Variants in RCL1 observed in about 807,000 individuals in gnomAD.
RCL1 encodes RNA terminal phosphate cyclase like 1.
Under a neutral mutation model 42.4 loss-of-function variants are expected in RCL1, and 24 were observed. The observed-to-expected ratio is 0.57, with a 90% CI of 0.41 to 0.80. The LOEUF (loss-of-function observed/expected upper bound fraction) is 0.80. RCL1 is among the 30% of genes least tolerant of loss of function. The pLI, the probability that RCL1 is intolerant of heterozygous loss-of-function variation, is 0.00. For synonymous variants in RCL1, 228 were observed against 177.3 expected (o/e 1.29, Z -2.27); for missense variants, 578 against 467.9 (o/e 1.24, Z -2.17).
At chr9:4,836,656 G>A (rs10815091) in intron 5 of RCL1, 8,189 of 152,052 alleles carry the variant, frequency 0.054, 717 homozygotes, top group African/African-American at 0.18. Context: ...GCGGGGGTGG[G>A]TGCTTAAGGT....
intron 1 of RCL1, among the ~76,000 whole-genome samples, chr9:4,820,448 G>GAA (rs1816554887): frequency 6.6e-6 from 1 of 152,198 alleles, no homozygotes; most frequent in Non-Finnish European, 1.5e-5. Context: ...GATCAGGGAT[G>GAA]GTCCTGCCTG....
intron 1 of RCL1, among the ~76,000 whole-genome samples, chr9:4,818,354 A>G (rs1279134022): frequency 1.3e-5 from 2 of 152,124 alleles, no homozygotes; most frequent in African/African-American, 4.8e-5. Flanking sequence ...ATAATTTAGG[A>G]AAGATATTTG....
At chr9:4,832,835 G>C (rs1398552311) in intron 3 of RCL1, among the ~76,000 whole-genome samples, 1 of 150,290 alleles carries the variant, frequency 6.7e-6, no homozygotes, top group East Asian at 1.9e-4. Flanking sequence ...AAAAAAGTAG[G>C]GTTCTCCATT....
At chr9:4,813,040 C>T (rs1013081271) in intron 1 of RCL1, among the ~76,000 whole-genome samples, 6 of 152,094 alleles carry the variant, frequency 3.9e-5, no homozygotes, top group African/African-American at 1.4e-4. Context: ...TCCTCCTTCC[C>T]GATTTGGATG....
chr9:4,842,032 A>ATAG (rs1281989586), intron 6 of RCL1, among the ~76,000 whole-genome samples: 5 of 152,238 alleles, frequency 3.3e-5, no homozygotes, highest in African/African-American at 4.8e-5. Flanking sequence ...AGATCAAAGA[A>ATAG]TAGTACAGTG....
intron 2 of RCL1, among the ~76,000 whole-genome samples, chr9:4,824,390 T>TG (rs1330926098): frequency 2.0e-5 from 3 of 151,342 alleles, no homozygotes; most frequent in Non-Finnish European, 4.4e-5. Context: ...TTTTTTTTTT[T>TG]TTTTTGCTAG....
chr9:4,810,365 A>G (rs566210215), intron 1 of RCL1, among the ~76,000 whole-genome samples: 1 of 152,284 alleles, frequency 6.6e-6, no homozygotes, highest in African/African-American at 2.4e-5. Flanking sequence ...CAAGGTAAGC[A>G]TTAAATTTTT....
At chr9:4,836,462 A>G (rs1817135017) in intron 5 of RCL1, among the ~76,000 whole-genome samples, 1 of 152,160 alleles carries the variant, frequency 6.6e-6, no homozygotes, top group African/African-American at 2.4e-5. Context: ...ACTGTGTAGG[A>G]CAAGAGATTG....
chr9:4,848,527 G>A (rs997310024), intron 7 of RCL1, among the ~76,000 whole-genome samples: 6 of 152,214 alleles, frequency 3.9e-5, no homozygotes, highest in Non-Finnish European at 5.9e-5. Context: ...GGATAGTAAC[G>A]TGCCTTGGTC....
intron 8 of RCL1, 92 bp from the exon 9 acceptor site, chr9:4,860,033 G>C: frequency 1.2e-6 from 1 of 850,010 alleles, no homozygotes; most frequent in South Asian, 2.2e-5. Flanking sequence ...TCTAGGTCTG[G>C]GAGATTAAAA....
chr9:4,838,933 G>C (rs1817225526), intron 5 of RCL1, among the ~76,000 whole-genome samples: 1 of 152,216 alleles, frequency 6.6e-6, no homozygotes, highest in Non-Finnish European at 1.5e-5. Context: ...GGCATTAAGA[G>C]CTTTACATGC....
At position 4,834,270 on chromosome 9, in the gene RCL1, C is replaced by A; in HGVS notation, c.584+5C>A. ...CAAACGTATTAGAGGAATGGCGTAT[C>A]CTTTCCATTTATTTGGATTTCTTTT... is the stretch of plus-strand genomic sequence containing the variant. On this transcript the variant is annotated splice_donor_5th_base_variant and intron_variant, in intron 5 of 8. Transcript: ENST00000381750. 1 of 1,606,254 alleles carries A rather than the reference C, an allele frequency of 6.2e-7. No homozygotes were observed. The highest frequency in any genetic ancestry group is 8.5e-7 in the Non-Finnish European group (1 of 1,176,412).
chr9:4,850,961 T>A (rs1224174507), intron 8 of RCL1, among the ~76,000 whole-genome samples: 1 of 152,146 alleles, frequency 6.6e-6, no homozygotes, highest in African/African-American at 2.4e-5. Context: ...TGTGTGGTCC[T>A]GGGGCATGGG....
intron 5 of RCL1, chr9:4,839,382 C>T (rs1412612214): frequency 1.3e-5 from 2 of 152,146 alleles, no homozygotes; most frequent in African/African-American, 4.8e-5. Flanking sequence ...TCCTAGAACT[C>T]GGAGCCATGG....
chr9:4,836,262 A>C (rs1411741078), intron 5 of RCL1, among the ~76,000 whole-genome samples: 1 of 152,120 alleles, frequency 6.6e-6, no homozygotes, highest in Admixed American at 6.5e-5. Context: ...ATTTCATCCA[A>C]GGTTGGATGC....
chr9:4,830,978 A>G (rs1163322383), intron 3 of RCL1, among the ~76,000 whole-genome samples: 1 of 152,134 alleles, frequency 6.6e-6, no homozygotes, highest in African/African-American at 2.4e-5. Context: ...CTCTGCTAAA[A>G]CTAGAATGTG....
chr9:4,841,170 A>T, intron 5 of RCL1, 62 bp from the exon 6 acceptor site: 1 of 1,601,590 alleles, frequency 6.2e-7, no homozygotes, highest in Non-Finnish European at 8.5e-7. Context: ...TGCCAGCTTT[A>T]TAACTGATTT....
chr9:4,852,044 G>C (rs1817771479), intron 8 of RCL1, among the ~76,000 whole-genome samples: 1 of 152,008 alleles, frequency 6.6e-6, no homozygotes, highest in Non-Finnish European at 1.5e-5. Flanking sequence ...ACCGTGCCTG[G>C]CTAATTTTTT....
At chr9:4,832,598 A>C (rs1816975658) in intron 3 of RCL1, among the ~76,000 whole-genome samples, 1 of 152,048 alleles carries the variant, frequency 6.6e-6, no homozygotes, top group Non-Finnish European at 1.5e-5. Context: ...TTACAAGTTC[A>C]AGAGATTGAG....
Sources: allele counts gnomAD v4.1 joint callset (sites outside exome capture counted in the v4.1 genomes callset), GRCh38; gene constraint gnomAD v4.1.1; transcripts MANE v1.5; gene names NCBI Gene and HGNC (gene_info 2026-07-23, HGNC 2026-07-21).